The following MYO9A variants were observed in gnomAD, a reference collection of about 807,000 sequenced individuals.
The protein encoded by MYO9A is myosin IXA, also known as unconventional myosin-IXa.
In MYO9A, 103 loss-of-function variants were observed where a neutral mutation model predicts 293.3. That is an observed-to-expected ratio of 0.35 (90% CI 0.30 to 0.41). The LOEUF is 0.41. MYO9A is among the 10% of genes least tolerant of loss of function. The probability of loss-of-function intolerance (pLI) is 1.00; values close to 1 mark genes in which losing one functional copy is unlikely to be tolerated. For missense variants in MYO9A, 2,685 were observed against 3,033.0 expected (o/e 0.89, Z 2.69); for synonymous variants, 1,001 against 1,035.7 (o/e 0.97, Z 0.64).
chr15:71,891,022 G>C (rs1401406124), intron 26 of MYO9A: 1 of 152,066 alleles, frequency 6.6e-6, no homozygotes, highest in African/African-American at 2.4e-5. Context: ...ATATTCTCAA[G>C]ATAAATAAAA....
chr15:71,954,513 C>T (rs2059134119), intron 14 of MYO9A, among the ~76,000 whole-genome samples: 1 of 152,174 alleles, frequency 6.6e-6, no homozygotes, highest in African/African-American at 2.4e-5. Flanking sequence ...TACTCATCAT[C>T]AACTCTTAAA....
chr15:71,988,692 A>G (rs2076465344), intron 11 of MYO9A, among the ~76,000 whole-genome samples: 4 of 152,122 alleles, frequency 2.6e-5, no homozygotes, highest in Non-Finnish European at 5.9e-5. Flanking sequence ...TAGACCTGCT[A>G]GCTGTTGTAG....
At position 72,032,499 on chromosome 15, in the gene MYO9A, T is replaced by C. The variant is rs1299625699; in HGVS notation, c.930A>G (p.Val310=). 10 of 1,598,220 alleles carry C rather than the reference T, an allele frequency of 6.3e-6. No individual in the cohort carries two copies. The highest frequency in any genetic ancestry group is 7.7e-6 in the Non-Finnish European group (9 of 1,172,318). Residue 310 remains valine (V), a synonymous_variant, in exon 3 of 42, where the codon GTA becomes GTG. Transcript: ENST00000356056. The part of the protein sequence containing the change: ...IQVNYQETGT[V]LGAYVEKYLL... Reference sequence around the variant, plus strand: ...TGCTAAGTAGCAGTACTTACCCAAGTACAGTGCCTGTTTCCTGGTAATTTA... The same window carrying C: ...TGCTAAGTAGCAGTACTTACCCAAGCACAGTGCCTGTTTCCTGGTAATTTA...
chr15:71,886,194 TA>T (rs34921688), intron 27 of MYO9A, among the ~76,000 whole-genome samples: 100,106 of 127,180 alleles, frequency 0.79, 40,909 homozygotes, highest in Non-Finnish European at 0.9. Context: ...TAAAGTAGGG[TA>T]AAAAAAAAAA....
At chr15:71,828,145 G>A in intron 40 of MYO9A, 119 bp from the exon 41 acceptor site, 1 of 1,156,516 alleles carries the variant, frequency 8.6e-7, no homozygotes, top group Non-Finnish European at 1.2e-6. Flanking sequence ...CATTTTTACT[G>A]TCCCCATCCA....
chr15:71,836,906 G>T (rs778280952), intron 39 of MYO9A, among the ~76,000 whole-genome samples: 1 of 151,916 alleles, frequency 6.6e-6, no homozygotes, highest in Non-Finnish European at 1.5e-5. Context: ...GGGGATGCTG[G>T]CAATGTCCTA....
chr15:71,877,306 G>C (rs750120983), intron 31 of MYO9A, among the ~76,000 whole-genome samples: 1 of 151,920 alleles, frequency 6.6e-6, no homozygotes, highest in Non-Finnish European at 1.5e-5. Flanking sequence ...AAAATAAAAA[G>C]GTTATTATTA....
intron 33 of MYO9A, 147 bp downstream of exon 33, chr15:71,862,353 G>A (rs2056170314): frequency 1.6e-5 from 10 of 634,080 alleles, no homozygotes; most frequent in Admixed American, 5.9e-5. Context: ...TAGAGACAAA[G>A]AGTAGGTGAA....
At chr15:71,917,568 T>C (rs2058045757) in intron 18 of MYO9A, among the ~76,000 whole-genome samples, 1 of 152,018 alleles carries the variant, frequency 6.6e-6, no homozygotes, top group Non-Finnish European at 1.5e-5. Context: ...GCATAGTCCC[T>C]ATTAACCCTC....
At chr15:71,924,865 A>G (rs1483761721) in intron 18 of MYO9A, among the ~76,000 whole-genome samples, 1 of 152,010 alleles carries the variant, frequency 6.6e-6, no homozygotes, top group African/African-American at 2.4e-5. Flanking sequence ...GATTGCAGCA[A>G]GCCGAGATCG....
intron 15 of MYO9A, among the ~76,000 whole-genome samples, chr15:71,949,658 CT>C (rs779348640): frequency 0.021 from 2,972 of 139,900 alleles, 37 homozygotes; most frequent in Non-Finnish European, 0.029. Flanking sequence ...TTGATTTCCA[CT>C]TTTTTTTTTT....
intron 32 of MYO9A, among the ~76,000 whole-genome samples, chr15:71,864,993 G>A (rs1397264408): frequency 1.3e-5 from 2 of 152,226 alleles, no homozygotes; most frequent in South Asian, 2.1e-4. Context: ...AATACCAATT[G>A]GTCTATTTTG....
chr15:71,848,976 AGAAG>A lies in MYO9A; in HGVS notation c.6714-12_6714-9del. 1 of 1,578,202 alleles carries A rather than the reference AGAAG, an allele frequency of 6.3e-7. No homozygotes were observed. The highest frequency in any genetic ancestry group is 8.6e-7 in the Non-Finnish European group (1 of 1,168,496). ...ACAATCAGTTCCACACAACTGAAAC[AGAAG>A]GAAAGAGAAAAAAACTGTTAAGAGG... On this transcript the variant is annotated splice_polypyrimidine_tract_variant and intron_variant, in intron 38 of 41. Transcript: ENST00000356056.
intron 6 of MYO9A, among the ~76,000 whole-genome samples, chr15:72,011,891 G>A (rs759486423): frequency 9.9e-5 from 15 of 152,128 alleles, no homozygotes; most frequent in African/African-American, 3.6e-4. Context: ...TCCCCAGTGC[G>A]AAGTCAGTGC....
Position 71,888,107 on chromosome 15 carries a change from G to A in MYO9A, c.5152C>T (p.Arg1718Ter). The change falls in exon 27 of 42, where the codon CGA becomes TGA. Residue 1718 changes from arginine (R) to a stop codon, truncating the protein, a stop_gained. Transcript: ENST00000356056. LOFTEE classifies it high-confidence loss of function. Reference sequence around the variant, plus strand: ...GCTTGTTCATCAACTGACGAAAATCGCTGTGATGTCTGTAATAATTACATA... The same window carrying A: ...GCTTGTTCATCAACTGACGAAAATCACTGTGATGTCTGTAATAATTACATA... ...AGPGQRETSQ[R>*]FSSVDEQAKL... 1 of 1,586,070 alleles carries A rather than the reference G, an allele frequency of 6.3e-7. No homozygotes were observed. Among genetic ancestry groups the A allele is most frequent in the Non-Finnish European group, 8.6e-7 (1 of 1,158,096 alleles).
chr15:72,075,565 C>G (rs2079324303), intron 1 of MYO9A, among the ~76,000 whole-genome samples: 1 of 151,830 alleles, frequency 6.6e-6, no homozygotes, highest in Non-Finnish European at 1.5e-5. Flanking sequence ...ACTAAATAGA[C>G]TTAATAACAG....
chr15:72,079,190 AG>A (rs926528245), intron 1 of MYO9A, among the ~76,000 whole-genome samples: 1 of 152,122 alleles, frequency 6.6e-6, no homozygotes, highest in African/African-American at 2.4e-5. Context: ...GCTAAACAAT[AG>A]GGGAAACTGT....
Position 71,951,412 on chromosome 15 carries a change from A to G in MYO9A, c.2302+365T>C, listed in dbSNP as rs1055255427. On this transcript the variant is annotated intron_variant, in intron 15 of 41. Coordinates refer to ENST00000356056, the MANE Select transcript of MYO9A (RefSeq NM_006901.4). ...TCTTTGCATTCAGTTTTTTACTTCA[A>G]TTAGACCTCAATAAAGTTTTTTTTG... Among the ~76,000 whole-genome samples the G allele has an allele frequency of 1.2e-4, 18 of 151,542 alleles. No homozygotes were observed. In the South Asian group the frequency reaches 1.9e-3, roughly 16 times the overall value.
At chr15:71,849,315 G>A (rs1391755178) in intron 38 of MYO9A, among the ~76,000 whole-genome samples, 1 of 152,074 alleles carries the variant, frequency 6.6e-6, no homozygotes, top group Admixed American at 6.5e-5. Context: ...CAGGCATGGT[G>A]GTGCACGCCT....
Sources: gnomAD v4.1 joint callset for allele counts (sites outside exome capture counted in the v4.1 genomes callset) on GRCh38, gnomAD v4.1.1 for gene constraint, MANE v1.5 for transcripts, NCBI Gene and HGNC (gene_info 2026-07-23, HGNC 2026-07-21) for gene names.